Variants in RIN3 observed in about 807,000 individuals in gnomAD.
RIN3 encodes the protein RAB5 interacting protein 3.
In RIN3, 54 loss-of-function variants were observed where a neutral mutation model predicts 76.3. That is an observed-to-expected ratio of 0.71 (90% CI 0.57 to 0.89). RIN3 has a LOEUF of 0.89. Among genes scored for constraint, RIN3 ranks in the 40% least tolerant of loss-of-function variants. The pLI is 0.00. For missense variants in RIN3, 1,256 were observed against 1,322.1 expected (o/e 0.95, Z 0.78); for synonymous variants, 576 against 564.0 (o/e 1.02, Z -0.30).
chr14:92,687,195 A>G (rs1000465618), intron 9 of RIN3: 1 of 152,214 alleles, frequency 6.6e-6, no homozygotes, highest in African/African-American at 2.4e-5. Context: ...CCCACTTTAC[A>G]GCCGGGGCTC....
At position 92,513,912 on chromosome 14, in the gene RIN3, C is replaced by G; in HGVS notation, c.-21C>G. 8.0e-7 allele frequency: 1 copy of G among 1,252,094 alleles called. No individual in the cohort carries two copies. Among genetic ancestry groups the G allele is most frequent in the Non-Finnish European group, 1.0e-6 (1 of 998,320 alleles). 77.6% of individuals were successfully genotyped at this position (1,252,094 alleles called of 1,614,324 possible). On this transcript the variant is annotated 5_prime_UTR_variant, in exon 1 of 10. Transcript: ENST00000216487. ...CCGGCGCCTGAGCGCCTCCGTTCCC[C>G]GTCCCGGAGCTGCCGGCGGCATGAT...
chr14:92,651,984 C>A lies in RIN3; in HGVS notation c.935C>A (p.Pro312His). ...GCCCCCGCCCCTGCCTGTCCTTTGC[C>A]CACCTCTCCCCCAGTGCCTGCCCCC... ...ALAPAPACPL[P>H]TSPPVPAPHV... is the part of the protein sequence containing the mutation. Residue 312 changes from proline (P) to histidine (H), a missense_variant, in exon 6 of 10, where the codon CCC becomes CAC. By Grantham distance (77) the Pro-to-His change is moderately conservative (BLOSUM62 -2). Around this residue, in one of 3 missense-constraint regions of RIN3, gnomAD observed 610 missense variants for 626.4 expected, o/e 0.97. Coordinates refer to ENST00000216487, the MANE Select transcript of RIN3 (RefSeq NM_024832.5). 1 of 1,523,808 alleles carries A rather than the reference C, an allele frequency of 6.6e-7. No homozygotes were observed. Among genetic ancestry groups the A allele is most frequent in the Non-Finnish European group, 8.9e-7 (1 of 1,123,114 alleles). 94.4% of individuals were successfully genotyped at this position (1,523,808 alleles called of 1,614,324 possible). A position where few individuals can be genotyped will look rare whatever the true frequency, so the allele number is the denominator to read the frequency against.
At chr14:92,578,339 A>G (rs7159925) in intron 3 of RIN3, among the ~76,000 whole-genome samples, 91,158 of 151,442 alleles carry the variant, frequency 0.6, 28,078 homozygotes, top group Non-Finnish European at 0.67. Flanking sequence ...ATGTTTGGGG[A>G]CCCCCTCTCT....
At chr14:92,602,288 G>A (rs75998557) in intron 3 of RIN3, among the ~76,000 whole-genome samples, 14,203 of 152,294 alleles carry the variant, frequency 0.093, 892 homozygotes, top group Non-Finnish European at 0.14. Context: ...GCCCAAGAAG[G>A]CCTCACCAAG....
intron 7 of RIN3, among the ~76,000 whole-genome samples, chr14:92,666,364 G>A (rs1457313846): frequency 6.6e-6 from 1 of 152,210 alleles, no homozygotes; most frequent in Non-Finnish European, 1.5e-5. Context: ...CAGAAAGATA[G>A]GGCCAGGATT....
intron 6 of RIN3, among the ~76,000 whole-genome samples, chr14:92,653,568 A>G (rs532668402): frequency 1.4e-4 from 22 of 152,314 alleles, no homozygotes; most frequent in Admixed American, 5.2e-4. Context: ...CTTTCAGGGA[A>G]CCAGCCCCAA....
At position 92,634,200 on chromosome 14, in the gene RIN3, A is replaced by G. The variant is rs190320446; in HGVS notation, c.441-7038A>G. Among the ~76,000 whole-genome samples the G allele has an allele frequency of 3.7e-3, 553 of 148,998 alleles. 1 individual carries two copies. The highest frequency in any genetic ancestry group is 5.2e-3 in the Admixed American group (76 of 14,572). On this transcript the variant is annotated intron_variant, in intron 4 of 9. Coordinates refer to ENST00000216487, the MANE Select transcript of RIN3 (RefSeq NM_024832.5). Reference sequence around the variant, plus strand: ...AGCAATTCTCCTGCCTCAGCCTCCCACATAGCTGGGATTACAGGCACCTGC... The same window carrying G: ...AGCAATTCTCCTGCCTCAGCCTCCCGCATAGCTGGGATTACAGGCACCTGC...
intron 2 of RIN3, among the ~76,000 whole-genome samples, chr14:92,567,188 G>A (rs188600794): frequency 7.2e-5 from 11 of 152,270 alleles, no homozygotes; most frequent in South Asian, 2.1e-4. Context: ...ATGTGTATTC[G>A]TCAGCAATGC....
At chr14:92,673,738 T>G (rs1198055430) in intron 7 of RIN3, among the ~76,000 whole-genome samples, 1 of 152,200 alleles carries the variant, frequency 6.6e-6, no homozygotes, top group Non-Finnish European at 1.5e-5. Context: ...ACTCCTGACC[T>G]CAGGTGATCC....
rs1337875605 is a variant in RIN3 at position 92,681,157 on chromosome 14, G to A, written c.2468-3830G>A. On this transcript the variant is annotated intron_variant, in intron 8 of 9. Coordinates refer to ENST00000216487, the MANE Select transcript of RIN3 (RefSeq NM_024832.5). This position sits in a 1 kb window ranked among gnomAD's most constrained non-coding sequence, Gnocchi z 4.7. ...TGACAGCTGGCCATGCCGGGCTGGT[G>A]TCTTTCCAGGGGCAGTGGGTTTTTC... is the stretch of plus-strand genomic sequence containing the variant. Among the ~76,000 whole-genome samples, 1 of 152,220 alleles carries A rather than the reference G, an allele frequency of 6.6e-6. No individual in the cohort carries two copies. The highest frequency in any genetic ancestry group is 1.5e-5 in the Non-Finnish European group (1 of 68,032).
chr14:92,542,790 A>G (rs78602835), intron 1 of RIN3, among the ~76,000 whole-genome samples: 123 of 152,382 alleles, frequency 8.1e-4, no homozygotes, highest in Non-Finnish European at 1.3e-3. Flanking sequence ...CTGCTACTAC[A>G]TGGATGAACC....
intron 4 of RIN3, chr14:92,615,777 C>T (rs1885935067): frequency 2.0e-5 from 7 of 354,494 alleles, no homozygotes; most frequent in Non-Finnish European, 3.1e-5. Flanking sequence ...GTGGACCAGG[C>T]CTCCCATTGC....
intron 3 of RIN3, among the ~76,000 whole-genome samples, chr14:92,598,586 T>A (rs1426354633): frequency 6.6e-6 from 1 of 152,242 alleles, no homozygotes; most frequent in Non-Finnish European, 1.5e-5. Flanking sequence ...GTGGCTTAAT[T>A]AAGATCACAC....
intron 3 of RIN3, among the ~76,000 whole-genome samples, chr14:92,600,806 G>A (rs1885317200): frequency 6.6e-6 from 1 of 152,218 alleles, no homozygotes; most frequent in African/African-American, 2.4e-5. Context: ...CGTGTGGACT[G>A]TCTTGGGCAT....
chr14:92,567,977 T>A (rs1566846289), intron 2 of RIN3, among the ~76,000 whole-genome samples: 1 of 152,170 alleles, frequency 6.6e-6, no homozygotes, highest in Non-Finnish European at 1.5e-5. Context: ...ATATACATGA[T>A]CAGCAATTCT....
intron 1 of RIN3, among the ~76,000 whole-genome samples, chr14:92,550,073 C>G (rs1897382769): frequency 6.6e-6 from 1 of 152,194 alleles, no homozygotes; most frequent in Non-Finnish European, 1.5e-5. Flanking sequence ...GTTGGAGCTG[C>G]TGTGGCCAGG....
intron 1 of RIN3, among the ~76,000 whole-genome samples, chr14:92,550,807 A>C (rs964366550): frequency 3.9e-5 from 6 of 152,206 alleles, no homozygotes; most frequent in Admixed American, 1.3e-4. Context: ...CCTGCATCCA[A>C]ACCCAAGACT....
intron 4 of RIN3, among the ~76,000 whole-genome samples, chr14:92,625,025 G>C (rs1886305568): frequency 6.6e-6 from 1 of 152,224 alleles, no homozygotes; most frequent in Non-Finnish European, 1.5e-5. Flanking sequence ...GGAAACTCAA[G>C]AGGCAGCGTT....
intron 3 of RIN3, among the ~76,000 whole-genome samples, chr14:92,612,856 G>A (rs1292349993): frequency 6.6e-6 from 1 of 151,442 alleles, no homozygotes; most frequent in Non-Finnish European, 1.5e-5. Context: ...GGCTGCCAAA[G>A]CGAATAAGCC....
Sources: allele counts gnomAD v4.1 joint callset (sites outside exome capture counted in the v4.1 genomes callset), GRCh38; gene constraint gnomAD v4.1.1; regional missense constraint gnomAD v4.1.1; non-coding constraint Gnocchi (gnomAD v3.1); transcripts MANE v1.5; gene names NCBI Gene and HGNC (gene_info 2026-07-23, HGNC 2026-07-21).